Variants in CD38 observed in about 807,000 individuals in gnomAD.
CD38 encodes the protein ADP-ribosyl cyclase/cyclic ADP-ribose hydrolase 1.
CD38 carries 31 observed loss-of-function variants against 36.3 expected under a neutral mutation model. That is an observed-to-expected ratio of 0.85 (90% confidence interval 0.64 to 1.15). CD38 has a LOEUF of 1.15. Ranked by LOEUF, CD38 falls within the 50% of genes most tolerant of loss-of-function variation. CD38 has a pLI of 0.00. For missense variants in CD38, 380 were observed against 371.9 expected (o/e 1.02, Z -0.18); for synonymous variants, 131 against 135.2 (o/e 0.97, Z 0.22).
At chr4:15,812,052 G>A (rs1437729331) in intron 1 of CD38, among the ~76,000 whole-genome samples, 1 of 152,156 alleles carries the variant, frequency 6.6e-6, no homozygotes, top group Admixed American at 6.5e-5. Context: ...CTTCTTTTCT[G>A]CATTGCTTCG....
intron 1 of CD38, among the ~76,000 whole-genome samples, chr4:15,780,049 C>T (rs1316958777): frequency 6.6e-6 from 1 of 152,194 alleles, no homozygotes; most frequent in East Asian, 1.9e-4. Flanking sequence ...GAAGTTCTCA[C>T]TCATGAAATT....
At chr4:15,792,783 A>G (rs1446803579) in intron 1 of CD38, among the ~76,000 whole-genome samples, 2 of 152,218 alleles carry the variant, frequency 1.3e-5, no homozygotes, top group Non-Finnish European at 2.9e-5. Context: ...ATCCTACCTG[A>G]CACAACTGAG....
At chr4:15,827,254 C>T (rs1723869117) in intron 3 of CD38, among the ~76,000 whole-genome samples, 1 of 152,174 alleles carries the variant, frequency 6.6e-6, no homozygotes, top group East Asian at 1.9e-4. Context: ...TTTCTGCCCA[C>T]TTTCTGGCTC....
chr4:15,850,234 G>C lies in CD38; in HGVS notation c.*1632G>C, dbSNP rs1352113203. The C allele has an allele frequency of 6.6e-6, 1 of 152,244 alleles. No homozygotes were observed. The highest frequency in any genetic ancestry group is 2.4e-5 in the African/African-American group (1 of 41,440). The allele number at this position is 152,244 out of a possible 1,614,324, so 9.4% of individuals were successfully genotyped here. On this transcript the variant is annotated 3_prime_UTR_variant, in exon 8 of 8. Transcript: ENST00000226279. ...GGATTGTTTGAGCTTGGGAGGTTGA[G>C]GCTGCAGGGAGCTGTGATCACACCA...
At chr4:15,827,579 A>G (rs895105300) in intron 3 of CD38, among the ~76,000 whole-genome samples, 1 of 151,898 alleles carries the variant, frequency 6.6e-6, no homozygotes, top group African/African-American at 2.4e-5. Context: ...TCCTTTTTAA[A>G]TTTCCCTTTT....
Position 15,848,524 on chromosome 4 carries a change from G to C in CD38, c.840-15G>C, listed in dbSNP as rs1232789060. 3.1e-6 allele frequency: 5 copies of C among 1,605,358 alleles called. No homozygotes were observed. Among genetic ancestry groups the C allele is most frequent in the Non-Finnish European group, 4.3e-6 (5 of 1,173,448 alleles). On this transcript the variant is annotated splice_polypyrimidine_tract_variant and intron_variant, in intron 7 of 7. Coordinates refer to ENST00000226279, the MANE Select transcript of CD38 (RefSeq NM_001775.4). The stretch of plus-strand genomic sequence containing the variant: ...CTACGGTCTCTTGATTTCCTTTTTT[G>C]CTTTCTTGTCATAGACCTGACAAGT...
chr4:15,823,603 G>A (rs1238346249), intron 2 of CD38, among the ~76,000 whole-genome samples: 4 of 152,274 alleles, frequency 2.6e-5, no homozygotes, highest in Middle Eastern at 3.4e-3. Context: ...TTAGAGAAAT[G>A]CAAATCAAAA....
At chr4:15,797,087 A>G (rs113511911) in intron 1 of CD38, among the ~76,000 whole-genome samples, 8 of 152,210 alleles carry the variant, frequency 5.3e-5, no homozygotes, top group African/African-American at 1.9e-4. Context: ...GAGAACTCCT[A>G]TTTCCCCATA....
chr4:15,780,587 T>A (rs1379593923), intron 1 of CD38, among the ~76,000 whole-genome samples: 2 of 140,988 alleles, frequency 1.4e-5, no homozygotes, highest in East Asian at 2.1e-4. Context: ...TACAGCCACA[T>A]CCCTGAAATC....
At chr4:15,787,527 A>G (rs895516825) in intron 1 of CD38, among the ~76,000 whole-genome samples, 3 of 152,226 alleles carry the variant, frequency 2.0e-5, no homozygotes, top group African/African-American at 4.8e-5. Flanking sequence ...GTAGACCTCA[A>G]AGGTGAGTCC....
chr4:15,787,884 C>T (rs1397790846), intron 1 of CD38, among the ~76,000 whole-genome samples: 1 of 152,156 alleles, frequency 6.6e-6, no homozygotes. Flanking sequence ...ATTGTTGTTC[C>T]GCCGTGCAGG....
chr4:15,813,652 T>C (rs1419825999), intron 1 of CD38, among the ~76,000 whole-genome samples: 1 of 152,128 alleles, frequency 6.6e-6, no homozygotes, highest in African/African-American at 2.4e-5. Flanking sequence ...CCTGTGTCCA[T>C]GTGTTCTCAC....
At chr4:15,813,559 A>C (rs369315531) in intron 1 of CD38, among the ~76,000 whole-genome samples, 1 of 152,046 alleles carries the variant, frequency 6.6e-6, no homozygotes, top group Non-Finnish European at 1.5e-5. Context: ...TAAGCCCTAC[A>C]TGCATTAGGT....
chr4:15,785,746 A>G (rs1033766109), intron 1 of CD38, among the ~76,000 whole-genome samples: 1 of 152,194 alleles, frequency 6.6e-6, no homozygotes, highest in Non-Finnish European at 1.5e-5. Context: ...CCTGTCAGGA[A>G]AGTTCCAGCA....
chr4:15,837,967 C>T (rs2148927979), intron 4 of CD38, 125 bp from the exon 5 acceptor site: 2 of 721,124 alleles, frequency 2.8e-6, no homozygotes, highest in Non-Finnish European at 4.7e-6. Context: ...ACCTGACATT[C>T]CTGGGCTAAA....
intron 2 of CD38, among the ~76,000 whole-genome samples, chr4:15,821,407 T>A (rs917665251): frequency 6.6e-6 from 1 of 151,824 alleles, no homozygotes; most frequent in Non-Finnish European, 1.5e-5. Context: ...AGGAGGTGGT[T>A]TTTTGAAAAA....
At chr4:15,786,209 G>A (rs980861179) in intron 1 of CD38, among the ~76,000 whole-genome samples, 43 of 152,180 alleles carry the variant, frequency 2.8e-4, no homozygotes, top group African/African-American at 1.0e-3. Flanking sequence ...GGACGCCAAT[G>A]GGTTGCCAGT....
intron 1 of CD38, among the ~76,000 whole-genome samples, chr4:15,794,362 T>C (rs1232583115): frequency 6.6e-6 from 1 of 152,216 alleles, no homozygotes; most frequent in Non-Finnish European, 1.5e-5. Context: ...GGGAGACTAC[T>C]GTTTTAGTGG....
intron 1 of CD38, among the ~76,000 whole-genome samples, chr4:15,807,000 ATTGT>A (rs1358789175): frequency 6.6e-6 from 1 of 152,052 alleles, no homozygotes; most frequent in African/African-American, 2.4e-5. Flanking sequence ...CACCTTCAAG[ATTGT>A]TTGTTATTGT....
Sources: gnomAD v4.1 joint callset for allele counts (sites outside exome capture counted in the v4.1 genomes callset) on GRCh38, gnomAD v4.1.1 for gene constraint, MANE v1.5 for transcripts, NCBI Gene and HGNC (gene_info 2026-07-23, HGNC 2026-07-21) for gene names.